The following FOXN2 variants were observed in gnomAD, a reference collection of about 807,000 sequenced individuals.
The protein encoded by FOXN2 is forkhead box N2.
In FOXN2, 19 loss-of-function variants were observed where a neutral mutation model predicts 41.2. The observed-to-expected ratio is 0.46, with a 90% CI of 0.32 to 0.68. The LOEUF (loss-of-function observed/expected upper bound fraction) is 0.68, where lower values mean the gene tolerates loss of function less well. Among genes scored for constraint, FOXN2 ranks in the 30% least tolerant of loss-of-function variants. FOXN2 has a pLI of 0.03. For synonymous variants in FOXN2, 195 were observed against 176.8 expected (o/e 1.10, Z -0.82); for missense variants, 587 against 509.4 (o/e 1.15, Z -1.47).
At position 48,349,857 on chromosome 2, in the gene FOXN2, G is replaced by A. The variant is rs370344158; in HGVS notation, c.537+3106G>A. On this transcript the variant is annotated intron_variant, in intron 3 of 6. Coordinates refer to ENST00000340553, the MANE Select transcript of FOXN2 (RefSeq NM_002158.4). ...TTGACAGAGCACAGAAATGGCAGTCGTAAAAGAATGTAAGAAAAAGAAGCC... is the reference window on the plus strand; with the variant it reads ...TTGACAGAGCACAGAAATGGCAGTCATAAAAGAATGTAAGAAAAAGAAGCC... Among the ~76,000 whole-genome samples, 45 of 152,346 alleles carry A rather than the reference G, an allele frequency of 3.0e-4. No individual in the cohort carries two copies. In the East Asian group the frequency reaches 7.1e-3, roughly 24 times the overall value.
chr2:48,362,945 T>A (rs947274685), intron 5 of FOXN2, among the ~76,000 whole-genome samples: 1 of 152,242 alleles, frequency 6.6e-6, no homozygotes. Context: ...CACGTAGTTA[T>A]GTACATATGT....
intron 2 of FOXN2, among the ~76,000 whole-genome samples, chr2:48,342,942 A>AT (rs1483021951): frequency 6.6e-6 from 1 of 152,176 alleles, no homozygotes; most frequent in Admixed American, 6.5e-5. Flanking sequence ...TCTTAATGAA[A>AT]TTTTTTTGTA....
At chr2:48,330,947 C>T (rs6545030) in intron 2 of FOXN2, among the ~76,000 whole-genome samples, 67,159 of 151,906 alleles carry the variant, frequency 0.44, 15,008 homozygotes, top group East Asian at 0.52. Flanking sequence ...AGCATGGAAC[C>T]GGCTACAGTC....
chr2:48,318,380 T>C (rs964768358), intron 1 of FOXN2, among the ~76,000 whole-genome samples: 1 of 152,216 alleles, frequency 6.6e-6, no homozygotes, highest in Admixed American at 6.5e-5. Flanking sequence ...GAGATTTATC[T>C]GGTATTTTTC....
intron 1 of FOXN2, among the ~76,000 whole-genome samples, chr2:48,317,797 G>A (rs1040649989): frequency 2.6e-5 from 4 of 151,322 alleles, no homozygotes; most frequent in Non-Finnish European, 4.4e-5. Flanking sequence ...TAGTAGAGAC[G>A]GAGTTTTACC....
rs369862621 is a variant in FOXN2, at chr2:48,356,855, C to T, written c.538-2192C>T. 4.3e-3 allele frequency among the ~76,000 whole-genome samples: 656 copies of T among 152,272 alleles called. 4 individuals carry two copies. The highest frequency in any genetic ancestry group is 0.015 in the African/African-American group (614 of 41,548). Reference sequence around the variant, plus strand: ...CTTCAAAACCTTTAGCAGTTCTCTACCAAGTAAGTTCAGAAGCCTTAGAGT... The same window carrying T: ...CTTCAAAACCTTTAGCAGTTCTCTATCAAGTAAGTTCAGAAGCCTTAGAGT... On this transcript the variant is annotated intron_variant, in intron 3 of 6. Coordinates refer to ENST00000340553, the MANE Select transcript of FOXN2 (RefSeq NM_002158.4).
At chr2:48,320,118 C>T (rs1185980525) in intron 1 of FOXN2, among the ~76,000 whole-genome samples, 1 of 151,878 alleles carries the variant, frequency 6.6e-6, no homozygotes, top group Non-Finnish European at 1.5e-5. Context: ...TTTTACTGGT[C>T]CTTTTGACTG....
intron 2 of FOXN2, among the ~76,000 whole-genome samples, chr2:48,345,018 G>T (rs1671009275): frequency 6.6e-6 from 1 of 152,034 alleles, no homozygotes. Flanking sequence ...TAAAGTTTTT[G>T]AATAGAAGGG....
At chr2:48,368,440 C>T (rs879625518) in intron 5 of FOXN2, among the ~76,000 whole-genome samples, 2 of 152,042 alleles carry the variant, frequency 1.3e-5, no homozygotes, top group Non-Finnish European at 2.9e-5. Context: ...TTTGGGAGGC[C>T]GAGATGGATC....
chr2:48,346,506 C>G lies in FOXN2; in HGVS notation c.292C>G (p.Pro98Ala). 1 of 1,614,044 alleles carries G rather than the reference C, an allele frequency of 6.2e-7. No homozygotes were observed. The highest frequency in any genetic ancestry group is 1.7e-5 in the Admixed American group (1 of 59,970). Residue 98 changes from proline (P) to alanine (A), a missense_variant, in exon 3 of 7, where the codon CCA (proline) becomes GCA (alanine). Physicochemically the swap from Pro to Ala is conservative, Grantham distance 27. Transcript: ENST00000340553. ...GGGAGATGATGTGCCATCCTTTGGA[C>G]CAGCTTGCTACCAGAACCCAGAAAA... is the stretch of plus-strand genomic sequence containing the variant. Reference protein sequence around the residue: ...IEGDDVPSFGPACYQNPEKKS... With the variant: ...IEGDDVPSFGAACYQNPEKKS...
At chr2:48,374,889 G>T in intron 6 of FOXN2, 31 bp from the exon 7 acceptor site, 1 of 1,563,492 alleles carries the variant, frequency 6.4e-7, no homozygotes, top group South Asian at 1.2e-5. Context: ...AAACACATTT[G>T]ACCTATTGAT....
chr2:48,323,654 A>C (rs1370611025), intron 1 of FOXN2, among the ~76,000 whole-genome samples: 3 of 152,078 alleles, frequency 2.0e-5, no homozygotes, highest in Non-Finnish European at 4.4e-5. Flanking sequence ...ATAGTTTGCA[A>C]ATATTTTCTC....
chr2:48,335,028 A>G (rs757141597), intron 2 of FOXN2, among the ~76,000 whole-genome samples: 3 of 152,196 alleles, frequency 2.0e-5, no homozygotes, highest in Admixed American at 1.3e-4. Context: ...AACCTAACAT[A>G]TAATCATCAT....
chr2:48,370,011 A>G (rs1672784033), intron 5 of FOXN2, among the ~76,000 whole-genome samples: 1 of 151,806 alleles, frequency 6.6e-6, no homozygotes, highest in South Asian at 2.1e-4. Context: ...CAAAAAAAGA[A>G]AAGAAAAAAA....
At chr2:48,341,443 G>A (rs1040266365) in intron 2 of FOXN2, among the ~76,000 whole-genome samples, 4 of 152,114 alleles carry the variant, frequency 2.6e-5, no homozygotes, top group African/African-American at 9.7e-5. Context: ...TGAAAAATAT[G>A]CAGCTTTGTA....
rs758611196 is a variant in FOXN2, at chr2:48,376,859, A to T, written c.*1416A>T. ...CATAGACAATGACCTTGTTTTCATT[A>T]TTCTGATAGATTGTATACATATGTA... On this transcript the variant is annotated 3_prime_UTR_variant, in exon 7 of 7. Coordinates refer to ENST00000340553, the MANE Select transcript of FOXN2 (RefSeq NM_002158.4). 6.6e-6 allele frequency: 1 copy of T among 152,458 alleles called. No individual in the cohort carries two copies. The highest frequency in any genetic ancestry group is 1.5e-5 in the Non-Finnish European group (1 of 67,928). The allele number at this position is 152,458 out of a possible 1,614,324, so 9.4% of individuals were successfully genotyped here.
At chr2:48,316,118 G>C (rs139332960) in intron 1 of FOXN2, among the ~76,000 whole-genome samples, 2 of 152,004 alleles carry the variant, frequency 1.3e-5, no homozygotes, top group African/African-American at 2.4e-5. Context: ...CTGTCGCCTC[G>C]CATGTACATT....
chr2:48,371,180 T>G (rs1672871187), intron 5 of FOXN2, among the ~76,000 whole-genome samples: 1 of 152,160 alleles, frequency 6.6e-6, no homozygotes, highest in Non-Finnish European at 1.5e-5. Context: ...GGCAGATCAC[T>G]TGAGGCCAGG....
Position 48,365,723 on chromosome 2 carries a change from A to T in FOXN2, c.703+3016A>T, listed in dbSNP as rs147482131. Among the ~76,000 whole-genome samples the T allele has an allele frequency of 2.2e-3, 338 of 152,316 alleles. 3 individuals are homozygous for T. Among genetic ancestry groups the T allele is most frequent in the African/African-American group, 7.9e-3 (327 of 41,570 alleles). Reference sequence around the variant, plus strand: ...GTCTTAGGCCTGTTCCTCTAGTAATAATTAACTTAGTGGGGAGGTCGTTGG... The same window carrying T: ...GTCTTAGGCCTGTTCCTCTAGTAATTATTAACTTAGTGGGGAGGTCGTTGG... On this transcript the variant is annotated intron_variant, in intron 5 of 6. Coordinates refer to ENST00000340553, the MANE Select transcript of FOXN2 (RefSeq NM_002158.4).
Sources: allele counts gnomAD v4.1 joint callset (sites outside exome capture counted in the v4.1 genomes callset), GRCh38; gene constraint gnomAD v4.1.1; transcripts MANE v1.5; gene names NCBI Gene and HGNC (gene_info 2026-07-23, HGNC 2026-07-21).